SEMA4A: variants seen among roughly 807,000 people sequenced by gnomAD.
The protein encoded by SEMA4A is semaphorin 4A, also known as semaphorin-4A.
In SEMA4A, 52 loss-of-function variants were observed where a neutral mutation model predicts 72.5. That is an observed-to-expected ratio of 0.72 (90% CI 0.57 to 0.90). The LOEUF (loss-of-function observed/expected upper bound fraction) is 0.90, where lower values mean the gene tolerates loss of function less well. SEMA4A is among the 40% of genes least tolerant of loss of function. The pLI, the probability that SEMA4A is intolerant of heterozygous loss-of-function variation, is 0.00. For missense variants in SEMA4A, 926 were observed against 959.7 expected (o/e 0.96, Z 0.46); for synonymous variants, 369 against 393.1 (o/e 0.94, Z 0.73).
At chr1:156,166,335 G>T (rs1654156059) in intron 10 of SEMA4A, among the ~76,000 whole-genome samples, 1 of 152,138 alleles carries the variant, frequency 6.6e-6, no homozygotes, top group African/African-American at 2.4e-5. Flanking sequence ...GACCCACTGT[G>T]CCCGGCCCTA....
chr1:156,174,787 A>C, intron 11 of SEMA4A, 35 bp from the exon 12 acceptor site: 1 of 1,614,060 alleles, frequency 6.2e-7, no homozygotes, highest in South Asian at 1.1e-5. Flanking sequence ...TGTGGATGAG[A>C]TGAGATGACT....
Position 156,161,512 on chromosome 1 carries a change from C to A in SEMA4A, c.977C>A (p.Ser326Tyr). ...CCCCACATCTACGCAGTCTTCACCT[C>A]CCAGTGGTGAGCAGCAGGGCTGGAC... ...TAPHIYAVFT[S>Y]QWQVGGTRSS... is the part of the protein sequence containing the mutation. Residue 326 changes from serine to tyrosine, a missense_variant, in exon 9 of 15, where the codon TCC (serine) becomes TAC (tyrosine). Transcript: ENST00000368285. The A allele has an allele frequency of 6.2e-7, 1 of 1,613,962 alleles. No homozygotes were observed.
intron 3 of SEMA4A, 82 bp downstream of exon 3, chr1:156,156,656 G>C (rs1653063818): frequency 1.5e-6 from 2 of 1,337,936 alleles, no homozygotes; most frequent in African/African-American, 2.9e-5. Flanking sequence ...GCCTGTGCAT[G>C]AATAACTTAG....
intron 11 of SEMA4A, among the ~76,000 whole-genome samples, chr1:156,173,796 GGAGA>G (rs899231942): frequency 2.6e-5 from 4 of 152,136 alleles, no homozygotes; most frequent in African/African-American, 9.7e-5. Context: ...GGAGGTTTGA[GGAGA>G]GAGAGGTAGA....
Position 156,170,893 on chromosome 1 carries a change from C to T in SEMA4A, c.1135-1933C>T, listed in dbSNP as rs536720310. Among the ~76,000 whole-genome samples, 9 of 151,968 alleles carry T rather than the reference C, an allele frequency of 5.9e-5. No individual in the cohort carries two copies. In the South Asian group the frequency reaches 1.7e-3, roughly 28 times the overall value. ...CCAAGATCATGCCACTGCACTCCAGCCTGGATGACAGTGAGACCCTGTTTC... is the reference window on the plus strand; with the variant it reads ...CCAAGATCATGCCACTGCACTCCAGTCTGGATGACAGTGAGACCCTGTTTC... On this transcript the variant is annotated intron_variant, in intron 10 of 14. Coordinates refer to ENST00000368285, the MANE Select transcript of SEMA4A (RefSeq NM_022367.4).
intron 10 of SEMA4A, among the ~76,000 whole-genome samples, chr1:156,169,886 G>A (rs541041149): frequency 6.6e-6 from 1 of 151,908 alleles, no homozygotes; most frequent in East Asian, 2.0e-4. Flanking sequence ...TTAGCTGGGT[G>A]TGGTTGTATG....
chr1:156,162,574 C>T (rs772867557), intron 9 of SEMA4A, among the ~76,000 whole-genome samples: 1 of 152,236 alleles, frequency 6.6e-6, no homozygotes, highest in African/African-American at 2.4e-5. Flanking sequence ...ATCCAAGAGA[C>T]TCAAAGGAAG....
At chr1:156,169,552 T>TGGGA (rs1654506949) in intron 10 of SEMA4A, among the ~76,000 whole-genome samples, 1 of 150,656 alleles carries the variant, frequency 6.6e-6, no homozygotes, top group African/African-American at 2.4e-5. Flanking sequence ...CCGGAGTAGC[T>TGGGA]GGGACTACAG....
Position 156,176,755 on chromosome 1 carries a change from C to A in SEMA4A, c.2044C>A (p.Pro682Thr), listed in dbSNP as rs76381440. The A allele has an allele frequency of 6.2e-7, 1 of 1,612,332 alleles. No homozygotes were observed. The highest frequency in any genetic ancestry group is 8.5e-7 in the Non-Finnish European group (1 of 1,178,540). ...AALAAQQSYWPHFVTVTVLFA... is the reference protein window; with the variant it reads ...AALAAQQSYWTHFVTVTVLFA... Reference sequence around the variant, plus strand: ...CCTGGCTGCCCAGCAGTCCTACTGGCCCCACTTTGTCACTGTCACTGTCCT... The same window carrying A: ...CCTGGCTGCCCAGCAGTCCTACTGGACCCACTTTGTCACTGTCACTGTCCT... The change falls in exon 15 of 15, where the codon CCC (proline) becomes ACC (threonine). Residue 682 changes from proline (P) to threonine (T), a missense_variant. Pro to Thr is a conservative substitution (Grantham distance 38, BLOSUM62 -1). Coordinates refer to ENST00000368285, the MANE Select transcript of SEMA4A (RefSeq NM_022367.4).
chr1:156,174,816 C>G lies in SEMA4A; in HGVS notation c.1316-6C>G. On this transcript the variant is annotated splice_region_variant and splice_polypyrimidine_tract_variant and intron_variant, in intron 11 of 14. Transcript: ENST00000368285. Reference sequence around the variant, plus strand: ...GATGACTTCCACTCTCTCTGTCTCCCCATAGCCACAGGGTCGCTCCACAAG... The same window carrying G: ...GATGACTTCCACTCTCTCTGTCTCCGCATAGCCACAGGGTCGCTCCACAAG... The G allele has an allele frequency of 6.2e-7, 1 of 1,614,144 alleles. No homozygotes were observed. The highest frequency in any genetic ancestry group is 1.1e-5 in the South Asian group (1 of 91,070).
chr1:156,174,541 G>A (rs1655117161), intron 11 of SEMA4A, among the ~76,000 whole-genome samples: 1 of 152,202 alleles, frequency 6.6e-6, no homozygotes, highest in South Asian at 2.1e-4. Flanking sequence ...GAAGCACCCA[G>A]CCGCCCACTG....
chr1:156,162,561 G>A (rs970250267), intron 9 of SEMA4A, among the ~76,000 whole-genome samples: 1 of 152,254 alleles, frequency 6.6e-6, no homozygotes, highest in Non-Finnish European at 1.5e-5. Context: ...CTGAGGACCA[G>A]GGATCCAAGA....
At chr1:156,147,641 C>T (rs1652214166), upstream of SEMA4A, among the ~76,000 whole-genome samples, 1 of 151,940 alleles carries the variant, frequency 6.6e-6, no homozygotes, top group African/African-American at 2.4e-5. Context: ...GCCTGGGTCT[C>T]CTCCCTCCAC....
At position 156,158,698 on chromosome 1, in the gene SEMA4A, C is replaced by T. The variant is rs145205202; in HGVS notation, c.463-21C>T. On this transcript the variant is annotated intron_variant, in intron 5 of 14. Transcript: ENST00000368285. Reference sequence around the variant, plus strand: ...TGTGAGACCTTGGCGTTCTGGCCCCCCAGCCTCTCTCCCCATTTAGGAACT... The same window carrying T: ...TGTGAGACCTTGGCGTTCTGGCCCCTCAGCCTCTCTCCCCATTTAGGAACT... The T allele has an allele frequency of 5.0e-4, 789 of 1,592,288 alleles. 4 individuals carry two copies. In the African/African-American group the frequency reaches 9.1e-3, roughly 18 times the overall value.
chr1:156,158,577 C>G lies in SEMA4A; in HGVS notation c.462+91C>G, dbSNP rs1038067157. On this transcript the variant is annotated intron_variant, in intron 5 of 14. Transcript: ENST00000368285. ...CCTCTGTAGCTCTGGAAAACTCTGG[C>G]CTTCCAGATGCAGGACCCTCATGAA... 30 of 1,322,618 alleles carry G rather than the reference C, an allele frequency of 2.3e-5. No homozygotes were observed. In the South Asian group the frequency reaches 2.9e-4, roughly 13 times the overall value. 81.9% of individuals were successfully genotyped at this position (1,322,618 alleles called of 1,614,324 possible). A position where few individuals can be genotyped will look rare whatever the true frequency, so the allele number is the denominator to read the frequency against.
At chr1:156,176,277 T>C (rs1333070930) in intron 14 of SEMA4A, 128 bp from the exon 15 acceptor site, 29 of 725,256 alleles carry the variant, frequency 4.0e-5, no homozygotes, top group Non-Finnish European at 5.9e-5. Flanking sequence ...GCCTGGGCAA[T>C]AGAGCCAGAA....
chr1:156,159,924 A>G (rs1465869336), intron 6 of SEMA4A, among the ~76,000 whole-genome samples: 1 of 151,492 alleles, frequency 6.6e-6, no homozygotes, highest in Non-Finnish European at 1.5e-5. Context: ...GTCTTGAAAA[A>G]AAAAAAAAAA....
chr1:156,170,943 A>AC (rs1553271896), intron 10 of SEMA4A, among the ~76,000 whole-genome samples: 6 of 150,716 alleles, frequency 4.0e-5, no homozygotes, highest in South Asian at 4.2e-4. Context: ...TAAAAAAAAA[A>AC]CCCTTTGACC....
rs1439443529 is a variant in SEMA4A at position 156,161,029 on chromosome 1, G to C, written c.810G>C (p.Lys270Asn). 3 of 1,592,638 alleles carry C rather than the reference G, an allele frequency of 1.9e-6. No homozygotes were observed. The highest frequency in any genetic ancestry group is 2.6e-6 in the Non-Finnish European group (3 of 1,165,932). Residue 270 changes from lysine to asparagine, a missense_variant and splice_region_variant, in exon 8 of 15, where the codon AAG becomes AAC. Physicochemically the swap from Lys to Asn is moderately conservative, Grantham distance 94 (BLOSUM62 0). Coordinates refer to ENST00000368285, the MANE Select transcript of SEMA4A (RefSeq NM_022367.4). ...LHTSRVARVC[K>N]NDVGGEKLLQ... ...CATCGCGGGTGGCTAGAGTCTGCAA[G>C]GTCCGCGGCCTGGGCGGGGGGCGGG...
Sources: allele counts gnomAD v4.1 joint callset (sites outside exome capture counted in the v4.1 genomes callset), GRCh38; gene constraint gnomAD v4.1.1; transcripts MANE v1.5; gene names NCBI Gene and HGNC (gene_info 2026-07-23, HGNC 2026-07-21).